The following ARHGAP6 variants were observed in gnomAD, a reference collection of about 807,000 sequenced individuals.
ARHGAP6 encodes the protein rho GTPase-activating protein 6.
Under a neutral mutation model 55.7 loss-of-function variants are expected in ARHGAP6, and 16 were observed. That is an observed-to-expected ratio of 0.29 (90% CI 0.19 to 0.44). The LOEUF (loss-of-function observed/expected upper bound fraction) is 0.44. Among genes scored for constraint, ARHGAP6 ranks in the 20% least tolerant of loss-of-function variants. The pLI is 1.00. For missense variants in ARHGAP6, 698 were observed against 808.9 expected (o/e 0.86, Z 1.66); for synonymous variants, 382 against 360.9 (o/e 1.06, Z -0.66).
intron 1 of ARHGAP6, among the ~76,000 whole-genome samples, chrX:11,655,664 T>C (rs12397139): frequency 0.14 from 15,823 of 111,888 alleles, 1,018 homozygotes; most frequent in Middle Eastern, 0.27. Flanking sequence ...ATAACACAAC[T>C]AATTTCATTT....
chrX:11,284,812 G>A (rs1014110155), intron 1 of ARHGAP6, among the ~76,000 whole-genome samples: 2 of 110,990 alleles, frequency 1.8e-5, no homozygotes, highest in African/African-American at 6.6e-5. Flanking sequence ...CCTGTGCATT[G>A]TAGAATATTT....
At chrX:11,349,308 TC>T (rs1486925544) in intron 1 of ARHGAP6, among the ~76,000 whole-genome samples, 2 of 111,738 alleles carry the variant, frequency 1.8e-5, no homozygotes, top group Non-Finnish European at 3.8e-5. Flanking sequence ...GGTGTCTCCT[TC>T]CACTCATTAA....
At chrX:11,483,041 T>A (rs1391127857) in intron 1 of ARHGAP6, among the ~76,000 whole-genome samples, 1 of 111,741 alleles carries the variant, frequency 8.9e-6, no homozygotes, top group East Asian at 2.8e-4. Flanking sequence ...TTCCTGTTAA[T>A]CCTACTCTCA....
At chrX:11,490,153 C>T (rs373261706) in intron 1 of ARHGAP6, among the ~76,000 whole-genome samples, 2 of 111,256 alleles carry the variant, frequency 1.8e-5, no homozygotes, top group East Asian at 5.6e-4. Flanking sequence ...TTGTACCAAC[C>T]GAATACAGCA....
At chrX:11,309,298 C>A (rs1409573029) in intron 1 of ARHGAP6, among the ~76,000 whole-genome samples, 2 of 111,510 alleles carry the variant, frequency 1.8e-5, no homozygotes, top group Middle Eastern at 4.6e-3. Context: ...CAGTAGCGAG[C>A]CCCCATACTC....
intron 1 of ARHGAP6, among the ~76,000 whole-genome samples, chrX:11,592,013 G>A (rs961285682): frequency 9.0e-6 from 1 of 111,561 alleles, no homozygotes; most frequent in African/African-American, 3.3e-5. Flanking sequence ...ATGAAGAACT[G>A]TGTGAAAGTG....
intron 1 of ARHGAP6, among the ~76,000 whole-genome samples, chrX:11,428,647 G>T (rs1298252907): frequency 9.0e-6 from 1 of 111,571 alleles, no homozygotes; most frequent in Non-Finnish European, 1.9e-5. Flanking sequence ...GTGCCAGTTT[G>T]TCAGGGTCCC....
At chrX:11,621,796 T>G (rs914569912) in intron 1 of ARHGAP6, among the ~76,000 whole-genome samples, 1 of 111,509 alleles carries the variant, frequency 9.0e-6, no homozygotes. Flanking sequence ...CAGTTGAAAG[T>G]ACCCTATGAG....
At chrX:11,568,458 T>C (rs949540489) in intron 1 of ARHGAP6, among the ~76,000 whole-genome samples, 3 of 112,386 alleles carry the variant, frequency 2.7e-5, no homozygotes, top group Non-Finnish European at 3.8e-5. Context: ...AGTCAAGCAA[T>C]GCAACTGGTA....
At chrX:11,174,325 T>A (rs1327656519) in intron 8 of ARHGAP6, among the ~76,000 whole-genome samples, 1 of 112,058 alleles carries the variant, frequency 8.9e-6, no homozygotes, top group African/African-American at 3.2e-5. Context: ...TCTCCGAATG[T>A]CTGCAATGAC....
At chrX:11,212,922 G>A (rs771953624) in intron 2 of ARHGAP6, among the ~76,000 whole-genome samples, 2 of 113,015 alleles carry the variant, frequency 1.8e-5, no homozygotes, top group Admixed American at 1.9e-4. Flanking sequence ...GCCTGCCCGT[G>A]CTCCTCGCTG....
At chrX:11,439,198 C>A (rs2147796142) in intron 1 of ARHGAP6, among the ~76,000 whole-genome samples, 1 of 112,566 alleles carries the variant, frequency 8.9e-6, no homozygotes, top group Admixed American at 9.4e-5. Flanking sequence ...TCTAACAGAA[C>A]AAACCTGTGG....
intron 1 of ARHGAP6, among the ~76,000 whole-genome samples, chrX:11,449,751 T>C (rs766751394): frequency 1.1e-3 from 124 of 112,244 alleles, no homozygotes; most frequent in Non-Finnish European, 2.0e-3. Flanking sequence ...AGTAGATGGA[T>C]GCATCAAGGT....
intron 1 of ARHGAP6, among the ~76,000 whole-genome samples, chrX:11,358,494 T>C (rs762885216): frequency 9.6e-6 from 1 of 103,866 alleles, no homozygotes; most frequent in Non-Finnish European, 2.0e-5. Flanking sequence ...TCTTTTTTTT[T>C]TTTTGACAGA....
At chrX:11,450,238 GTGTGT>G (rs2050132420) in intron 1 of ARHGAP6, among the ~76,000 whole-genome samples, 1 of 107,008 alleles carries the variant, frequency 9.3e-6, no homozygotes, top group South Asian at 4.1e-4. Flanking sequence ...GTGTGTGTGT[GTGTGT>G]TCTTTTGCTA....
chrX:11,185,761 A>AAT (rs752304843), intron 5 of ARHGAP6, among the ~76,000 whole-genome samples: 26 of 112,430 alleles, frequency 2.3e-4, no homozygotes, highest in African/African-American at 7.1e-4. Context: ...TGCAAATAGC[A>AAT]ATATGTAAAC....
At chrX:11,620,119 G>A (rs1042327715) in intron 1 of ARHGAP6, among the ~76,000 whole-genome samples, 2 of 111,887 alleles carry the variant, frequency 1.8e-5, no homozygotes, top group African/African-American at 6.5e-5. Context: ...ATTTTTATTA[G>A]TCTGATCAAT....
chrX:11,372,497 G>C (rs971202630), intron 1 of ARHGAP6, among the ~76,000 whole-genome samples: 4 of 110,842 alleles, frequency 3.6e-5, no homozygotes, highest in African/African-American at 1.3e-4. Context: ...TTGTTGACTG[G>C]CACGGTGGCT....
At chrX:11,572,054 C>G (rs2051525542) in intron 1 of ARHGAP6, among the ~76,000 whole-genome samples, 1 of 111,264 alleles carries the variant, frequency 9.0e-6, no homozygotes, top group Non-Finnish European at 1.9e-5. Context: ...CAGGCATTTT[C>G]CCAAAAAGCA....
Sources: gnomAD v4.1 joint callset for allele counts (sites outside exome capture counted in the v4.1 genomes callset) on GRCh38, gnomAD v4.1.1 for gene constraint, MANE v1.5 for transcripts, NCBI Gene and HGNC (gene_info 2026-07-23, HGNC 2026-07-21) for gene names.